Variants in CADPS observed in about 807,000 individuals in gnomAD.
The protein encoded by CADPS is calcium dependent secretion activator.
A neutral mutation model predicts 167.3 loss-of-function variants in CADPS; 57 were observed. The ratio of observed to expected loss-of-function variants is 0.34; its 90% CI spans 0.28 to 0.42. The LOEUF is 0.42. CADPS is among the 20% of genes least tolerant of loss of function. CADPS has a pLI of 1.00. For missense variants in CADPS, 1,414 were observed against 1,738.1 expected (o/e 0.81, Z 3.32); for synonymous variants, 676 against 635.3 (o/e 1.06, Z -0.96).
At chr3:62,703,520 G>C (rs866185899) in intron 3 of CADPS, among the ~76,000 whole-genome samples, 1 of 152,144 alleles carries the variant, frequency 6.6e-6, no homozygotes. Flanking sequence ...CATTTGGCCT[G>C]TCCTGCCAGG....
chr3:62,836,749 T>A (rs932913738), intron 1 of CADPS, among the ~76,000 whole-genome samples: 11 of 152,290 alleles, frequency 7.2e-5, no homozygotes, highest in Admixed American at 6.5e-4. Flanking sequence ...TGGAGAAGCT[T>A]CTGAAGAATT....
chr3:62,489,320 C>T (rs932749399), intron 21 of CADPS, among the ~76,000 whole-genome samples: 1 of 152,124 alleles, frequency 6.6e-6, no homozygotes, highest in Non-Finnish European at 1.5e-5. Flanking sequence ...ACCACCACGC[C>T]CAGCTAATTT....
intron 1 of CADPS, among the ~76,000 whole-genome samples, chr3:62,807,546 G>T (rs1044532618): frequency 6.6e-6 from 1 of 152,024 alleles, no homozygotes; most frequent in African/African-American, 2.4e-5. Flanking sequence ...ACAGGTATGA[G>T]CCACCGAGCC....
intron 3 of CADPS, among the ~76,000 whole-genome samples, chr3:62,745,602 G>T (rs552894687): frequency 1.3e-5 from 2 of 152,300 alleles, no homozygotes; most frequent in South Asian, 4.1e-4. Flanking sequence ...GAAGATTACT[G>T]TGACCCTCAG....
At chr3:62,784,662 T>C (rs2092210399) in intron 1 of CADPS, among the ~76,000 whole-genome samples, 1 of 151,946 alleles carries the variant, frequency 6.6e-6, no homozygotes, top group African/African-American at 2.4e-5. Context: ...GAGAACTATG[T>C]TAAATAATAC....
chr3:62,530,707 CT>C (rs1561737128), intron 13 of CADPS: 2 of 1,288,702 alleles, frequency 1.6e-6, no homozygotes, highest in South Asian at 1.2e-5. Flanking sequence ...TTTTGGATTC[CT>C]TTTTGGTATC....
chr3:62,614,700 G>A (rs993697611), intron 6 of CADPS, among the ~76,000 whole-genome samples: 4 of 151,876 alleles, frequency 2.6e-5, no homozygotes, highest in Non-Finnish European at 5.9e-5. Context: ...TGCATATAAT[G>A]TGTACATAAT....
chr3:62,660,066 G>A lies in CADPS; in HGVS notation c.969+2248C>T, dbSNP rs539626359. Among the ~76,000 whole-genome samples the A allele has an allele frequency of 4.6e-5, 7 of 152,208 alleles. No individual in the cohort carries two copies. The East Asian group carries it at 1.4e-3, about 29-fold the overall frequency. On this transcript the variant is annotated intron_variant, in intron 4 of 29. Transcript: ENST00000383710. ...TCAGAATATTTAGTGGTGGGGGTTG[G>A]GGGAGAGAGTTCTTTGATTTACTAT...
At position 62,536,540 on chromosome 3, in the gene CADPS, A is replaced by C. The variant is rs750651093; in HGVS notation, c.2008T>G (p.Ser670Ala). 2 of 1,613,346 alleles carry C rather than the reference A, an allele frequency of 1.2e-6. No individual in the cohort carries two copies. The highest frequency in any genetic ancestry group is 1.7e-6 in the Non-Finnish European group (2 of 1,179,482). The change falls in exon 12 of 30, where the codon TCT becomes GCT. Residue 670 changes from serine to alanine, a missense_variant. Coordinates refer to ENST00000383710, the MANE Select transcript of CADPS (RefSeq NM_003716.4). ...AQKHGMDEFISSNPCNFDHAS... is the reference protein window; with the variant it reads ...AQKHGMDEFIASNPCNFDHAS... The stretch of plus-strand genomic sequence containing the variant: ...TGGTCAAAGTTACAGGGGTTGGAAG[A>C]GATAAATTCATCCATGCCATGTTTT...
At chr3:62,794,951 G>A (rs1182821687) in intron 1 of CADPS, among the ~76,000 whole-genome samples, 1 of 151,986 alleles carries the variant, frequency 6.6e-6, no homozygotes, top group East Asian at 1.9e-4. Context: ...TCAGATCACT[G>A]TCTCTTTGCC....
chr3:62,535,907 G>A lies in CADPS; in HGVS notation c.2103+538C>T, dbSNP rs1444533943. 2.0e-5 allele frequency: 3 copies of A among 151,146 alleles called. No individual in the cohort carries two copies. In the South Asian group the frequency reaches 6.3e-4, roughly 32 times the overall value. The allele number at this position is 151,146 out of a possible 1,614,324, so 9.4% of individuals were successfully genotyped here. Reference sequence around the variant, plus strand: ...ACTAAAGCACCATAAAAAATTCCCTGAAAGGGTGAAAAAATGCTGTGAATA... The same window carrying A: ...ACTAAAGCACCATAAAAAATTCCCTAAAAGGGTGAAAAAATGCTGTGAATA... On this transcript the variant is annotated intron_variant, in intron 12 of 29. Transcript: ENST00000383710.
rs111926978 is a variant in CADPS at position 62,457,309 on chromosome 3, T to C, written c.3636+8058A>G. 8.2e-3 allele frequency among the ~76,000 whole-genome samples: 1,252 copies of C among 152,338 alleles called. 16 individuals carry two copies. The highest frequency in any genetic ancestry group is 0.028 in the African/African-American group (1,158 of 41,576). On this transcript the variant is annotated intron_variant, in intron 26 of 29. Coordinates refer to ENST00000383710, the MANE Select transcript of CADPS (RefSeq NM_003716.4). Reference sequence around the variant, plus strand: ...AGATTAATCAATCTGTCTAAGATTATACTTTAGGAAGTGGCAGAACTGGAA... The same window carrying C: ...AGATTAATCAATCTGTCTAAGATTACACTTTAGGAAGTGGCAGAACTGGAA...
chr3:62,620,148 GA>G (rs1485283456), intron 6 of CADPS, among the ~76,000 whole-genome samples: 1 of 152,082 alleles, frequency 6.6e-6, no homozygotes, highest in Non-Finnish European at 1.5e-5. Context: ...ATTGGAAAGA[GA>G]ATCACTTAAT....
At chr3:62,800,937 C>T (rs554655634) in intron 1 of CADPS, among the ~76,000 whole-genome samples, 17 of 152,174 alleles carry the variant, frequency 1.1e-4, no homozygotes, top group African/African-American at 4.1e-4. Flanking sequence ...CCCTTATTTT[C>T]CCATCAGGGG....
At chr3:62,838,938 C>A (rs1057268158) in intron 1 of CADPS, among the ~76,000 whole-genome samples, 1 of 152,166 alleles carries the variant, frequency 6.6e-6, no homozygotes, top group Non-Finnish European at 1.5e-5. Flanking sequence ...AGGCTCTGGG[C>A]AGTCCTTCTA....
At chr3:62,554,685 C>T (rs2077830050) in intron 10 of CADPS, among the ~76,000 whole-genome samples, 1 of 152,180 alleles carries the variant, frequency 6.6e-6, no homozygotes, top group African/African-American at 2.4e-5. Context: ...TACAAAGATT[C>T]TGACCTCTCC....
intron 28 of CADPS, among the ~76,000 whole-genome samples, chr3:62,419,899 C>G (rs569541951): frequency 4.6e-5 from 7 of 152,236 alleles, no homozygotes; most frequent in African/African-American, 1.7e-4. Flanking sequence ...CATATTAGGG[C>G]TAATTTCATA....
At chr3:62,651,895 A>C (rs573351617) in intron 4 of CADPS, among the ~76,000 whole-genome samples, 1 of 151,334 alleles carries the variant, frequency 6.6e-6, no homozygotes, top group Non-Finnish European at 1.5e-5. Context: ...TCAGTTTGAC[A>C]TTTTTATTTT....
intron 7 of CADPS, among the ~76,000 whole-genome samples, chr3:62,585,584 C>A (rs1347765128): frequency 6.6e-6 from 1 of 152,180 alleles, no homozygotes; most frequent in Non-Finnish European, 1.5e-5. Context: ...TTCAGACGTA[C>A]TAAACAAACC....
Sources: allele counts gnomAD v4.1 joint callset (sites outside exome capture counted in the v4.1 genomes callset), GRCh38; gene constraint gnomAD v4.1.1; transcripts MANE v1.5; gene names NCBI Gene and HGNC (gene_info 2026-07-23, HGNC 2026-07-21).